PCDHGA11: variants seen among roughly 807,000 people sequenced by gnomAD.
PCDHGA11 encodes protocadherin gamma-A11.
PCDHGA11 carries 39 observed loss-of-function variants against 60.4 expected under a neutral mutation model. The observed-to-expected ratio is 0.65, with a 90% CI of 0.50 to 0.84. The LOEUF (loss-of-function observed/expected upper bound fraction) is 0.84, where lower values mean the gene tolerates loss of function less well. Ranked by LOEUF, PCDHGA11 falls within the 40% of genes least tolerant of loss-of-function variation. The pLI is 0.00. For synonymous variants in PCDHGA11, 533 were observed against 510.3 expected, an observed-to-expected ratio of 1.04 and a Z score of -0.60; for missense variants, 1,165 against 1,197.7, an observed-to-expected ratio of 0.97 and a Z score of 0.40.
chr5:141,501,331 A>T (rs1024837974), intron 2 of PCDHGA11, among the ~76,000 whole-genome samples: 2 of 138,846 alleles, frequency 1.4e-5, no homozygotes, highest in Non-Finnish European at 1.6e-5. Flanking sequence ...ACACACACAC[A>T]CACCCCAAAC....
rs1399367534 is a variant in PCDHGA11 at position 141,487,098 on chromosome 5, A to G, written c.2434-7709A>G. 6.2e-7 allele frequency: 1 copy of G among 1,613,778 alleles called. No homozygotes were observed. The highest frequency in any genetic ancestry group is 8.5e-7 in the Non-Finnish European group (1 of 1,179,788). On this transcript the variant is annotated intron_variant, in intron 1 of 3. Transcript: ENST00000398587. The surrounding 1 kb of genome is among the most constrained non-coding windows in gnomAD (Gnocchi z 5.0). ...ATCCCAGCTGACCTCCCACCACAGA[A>G]GCTGGTCATTGTGGTAAAGGATAGT...
intron 1 of PCDHGA11, among the ~76,000 whole-genome samples, chr5:141,447,047 T>C (rs529082157): frequency 1.3e-5 from 2 of 152,342 alleles, no homozygotes; most frequent in African/African-American, 4.8e-5. Flanking sequence ...TCTGGAATTC[T>C]ATTAAAATGT....
At chr5:141,454,870 C>T (rs2098805291) in intron 1 of PCDHGA11, among the ~76,000 whole-genome samples, 1 of 131,902 alleles carries the variant, frequency 7.6e-6, no homozygotes, top group Non-Finnish European at 1.5e-5. Context: ...TGCAGTGGCA[C>T]GATCTTGGCT....
At chr5:141,478,332 G>A (rs773442842) in intron 1 of PCDHGA11, 1 of 1,613,924 alleles carries the variant, frequency 6.2e-7, no homozygotes, top group Non-Finnish European at 8.5e-7. Context: ...CGAACACCAG[G>A]GCCCTCCTTG....
intron 1 of PCDHGA11, among the ~76,000 whole-genome samples, chr5:141,463,618 T>G (rs2099065558): frequency 6.6e-6 from 1 of 151,792 alleles, no homozygotes; most frequent in African/African-American, 2.4e-5. Context: ...CCGGCTAATT[T>G]TTTGTATTTT....
chr5:141,463,596 C>T (rs922480221), intron 1 of PCDHGA11, among the ~76,000 whole-genome samples: 5 of 151,874 alleles, frequency 3.3e-5, no homozygotes, highest in Admixed American at 2.0e-4. Flanking sequence ...CTACAGGTGC[C>T]TGCCACCATG....
chr5:141,423,429 A>G lies in PCDHGA11; in HGVS notation c.2202A>G (p.Ala734=), dbSNP rs1590473158. 2 of 1,613,960 alleles carry G rather than the reference A, an allele frequency of 1.2e-6. No homozygotes were observed. The highest frequency in any genetic ancestry group is 1.3e-5 in the African/African-American group (1 of 75,058). ...TGCAGGCTTCTGAAGGCGGGTTGGC[A>G]GGTATGCCCACGTCACATTTTGTAG... is the stretch of plus-strand genomic sequence containing the variant. ...RLLQASEGGL[A]GMPTSHFVGV... Residue 734 remains alanine (A), a synonymous_variant, in exon 1 of 4, where the codon GCA becomes GCG. Transcript: ENST00000398587.
chr5:141,466,401 T>A (rs2099122186), intron 1 of PCDHGA11, among the ~76,000 whole-genome samples: 1 of 152,210 alleles, frequency 6.6e-6, no homozygotes, highest in Non-Finnish European at 1.5e-5. Flanking sequence ...TTTGCTCAAC[T>A]TTAATTTTTC....
rs17097297 is a variant in PCDHGA11 at position 141,426,366 on chromosome 5, G to C, written c.2433+2706G>C. 737 of 204,832 alleles carry C rather than the reference G, an allele frequency of 3.6e-3. 4 individuals are homozygous for C. The highest frequency in any genetic ancestry group is 0.015 in the African/African-American group (666 of 43,954). 12.7% of individuals were successfully genotyped at this position (204,832 alleles called of 1,614,324 possible). Reference sequence around the variant, plus strand: ...CTTTCCTGCTGCCTTTGTTCTGCGGGGCACCCTCGGAGCAGATCCGCTACT... The same window carrying C: ...CTTTCCTGCTGCCTTTGTTCTGCGGCGCACCCTCGGAGCAGATCCGCTACT... On this transcript the variant is annotated intron_variant, in intron 1 of 3. Transcript: ENST00000398587.
Position 141,432,038 on chromosome 5 carries a change from C to G in PCDHGA11, c.2433+8378C>G, listed in dbSNP as rs202246871. ...CAACATCACAGTGACCGCCACTGAC[C>G]GGGGAACCCCGCCCCTATCCACGGA... On this transcript the variant is annotated intron_variant, in intron 1 of 3. Transcript: ENST00000398587. This position sits in a 1 kb window ranked among gnomAD's most constrained non-coding sequence, Gnocchi z 6.0. 2 of 1,614,190 alleles carry G rather than the reference C, an allele frequency of 1.2e-6. No homozygotes were observed. The highest frequency in any genetic ancestry group is 8.5e-7 in the Non-Finnish European group (1 of 1,180,032).
rs761718852 is a variant in PCDHGA11, at chr5:141,432,440, G to A, written c.2433+8780G>A. ...GCTGGACCAGAACGACAATGCGCCCGAGATCCTGTACCCCGCCCTCCCCAC... is the reference window on the plus strand; with the variant it reads ...GCTGGACCAGAACGACAATGCGCCCAAGATCCTGTACCCCGCCCTCCCCAC... On this transcript the variant is annotated intron_variant, in intron 1 of 3. Transcript: ENST00000398587. The surrounding 1 kb of genome is among the most constrained non-coding windows in gnomAD (Gnocchi z 6.0). 1.3e-5 allele frequency: 21 copies of A among 1,614,226 alleles called. No homozygotes were observed. Among genetic ancestry groups the A allele is most frequent in the Non-Finnish European group, 1.6e-5 (19 of 1,180,048 alleles).
chr5:141,487,297 C>A lies in PCDHGA11; in HGVS notation c.2434-7510C>A. ...TTTGCTTTGTCTCCTTTGGCTCATT[C>A]GTGGCACTACTCTCTAAGTGTCTTC... is the stretch of plus-strand genomic sequence containing the variant. On this transcript the variant is annotated intron_variant, in intron 1 of 3. Transcript: ENST00000398587. This position sits in a 1 kb window ranked among gnomAD's most constrained non-coding sequence, Gnocchi z 5.0. 1 of 1,614,102 alleles carries A rather than the reference C, an allele frequency of 6.2e-7. No homozygotes were observed. The highest frequency in any genetic ancestry group is 8.5e-7 in the Non-Finnish European group (1 of 1,180,002).
chr5:141,427,381 T>G (rs1315804574), intron 1 of PCDHGA11: 1 of 458,822 alleles, frequency 2.2e-6, no homozygotes, highest in Middle Eastern at 3.2e-4. Context: ...GTGATCACTC[T>G]GTTCAAAACA....
intron 1 of PCDHGA11, chr5:141,478,285 T>G (rs1468354835): frequency 6.2e-7 from 1 of 1,614,040 alleles, no homozygotes; most frequent in Non-Finnish European, 8.5e-7. Context: ...GGAAGCAGTC[T>G]AGAGACCTAT....
chr5:141,446,415 T>C (rs1275165245), intron 1 of PCDHGA11, among the ~76,000 whole-genome samples: 2 of 152,046 alleles, frequency 1.3e-5, no homozygotes, highest in African/African-American at 4.8e-5. Flanking sequence ...GTTCCAGCCA[T>C]GTTCATTTGA....
chr5:141,505,618 A>G, intron 3 of PCDHGA11, 137 bp downstream of exon 3: 6 of 1,496,136 alleles, frequency 4.0e-6, no homozygotes, highest in Non-Finnish European at 5.4e-6. Flanking sequence ...GAAAGGACCC[A>G]CAATTCCAAA....
In PCDHGA11 at chr5:141,485,042, C is replaced by T; in HGVS notation, c.2434-9765C>T. ...CAGCAAAAACGGCGCGTAACCCTTGCGGCGCCGGCCGAACCGCGCCAGAGC... is the reference window on the plus strand; with the variant it reads ...CAGCAAAAACGGCGCGTAACCCTTGTGGCGCCGGCCGAACCGCGCCAGAGC... On this transcript the variant is annotated intron_variant, in intron 1 of 3. Coordinates refer to ENST00000398587, the MANE Select transcript of PCDHGA11 (RefSeq NM_018914.3). This position sits in a 1 kb window ranked among gnomAD's most constrained non-coding sequence, Gnocchi z 5.7. 1 of 724,054 alleles carries T rather than the reference C, an allele frequency of 1.4e-6. No individual in the cohort carries two copies. Among genetic ancestry groups the T allele is most frequent in the South Asian group, 1.8e-5 (1 of 56,650 alleles). 44.9% of individuals were successfully genotyped at this position (724,054 alleles called of 1,614,324 possible). A position where few individuals can be genotyped will look rare whatever the true frequency, so the allele number is the denominator to read the frequency against.
chr5:141,499,457 T>G (rs1000400491), intron 2 of PCDHGA11, among the ~76,000 whole-genome samples: 1 of 152,214 alleles, frequency 6.6e-6, no homozygotes, highest in African/African-American at 2.4e-5. Context: ...CCCATCATTT[T>G]ACAATCTAGG....
chr5:141,507,287 C>G (rs79707942), intron 3 of PCDHGA11: 1 of 148,974 alleles, frequency 6.7e-6, no homozygotes, highest in East Asian at 1.9e-4. Context: ...AAGTCAGTCT[C>G]AAATGTTGCA....
Sources: gnomAD v4.1 joint callset for allele counts (sites outside exome capture counted in the v4.1 genomes callset) on GRCh38, gnomAD v4.1.1 for gene constraint, Gnocchi (gnomAD v3.1) non-coding constraint, MANE v1.5 for transcripts, NCBI Gene and HGNC (gene_info 2026-07-23, HGNC 2026-07-21) for gene names.